Variants in SNCAIP observed in about 807,000 individuals in gnomAD.
The protein encoded by SNCAIP is synuclein alpha interacting protein, also known as synphilin-1.
Under a neutral mutation model 86.7 loss-of-function variants are expected in SNCAIP, and 43 were observed. The observed-to-expected ratio is 0.50, with a 90% CI of 0.39 to 0.64. The LOEUF (loss-of-function observed/expected upper bound fraction) is 0.64, where lower values mean the gene tolerates loss of function less well. Among genes scored for constraint, SNCAIP ranks in the 30% least tolerant of loss-of-function variants. The pLI is 0.00. For synonymous variants in SNCAIP, 417 were observed against 427.2 expected (o/e 0.98, Z 0.29); for missense variants, 981 against 1,103.1 (o/e 0.89, Z 1.57).
At chr5:122,346,947 A>G (rs7701124) in intron 1 of SNCAIP, among the ~76,000 whole-genome samples, 6,884 of 152,152 alleles carry the variant, frequency 0.045, 514 homozygotes, top group African/African-American at 0.16. Context: ...GGATACAATT[A>G]TAGATATAAT....
At chr5:122,380,715 C>T (rs746157047) in intron 1 of SNCAIP, among the ~76,000 whole-genome samples, 117 of 149,664 alleles carry the variant, frequency 7.8e-4, no homozygotes, top group Middle Eastern at 6.8e-3. Flanking sequence ...GCTTTGAATG[C>T]GTCCCAGAGA....
intron 1 of SNCAIP, among the ~76,000 whole-genome samples, chr5:122,332,965 T>C (rs1755694533): frequency 1.3e-5 from 2 of 152,204 alleles, no homozygotes; most frequent in African/African-American, 4.8e-5. Flanking sequence ...AAAGGGTAAA[T>C]ACTTTCTTCC....
chr5:122,361,129 T>C (rs556718027), intron 1 of SNCAIP, among the ~76,000 whole-genome samples: 1 of 151,930 alleles, frequency 6.6e-6, no homozygotes, highest in East Asian at 1.9e-4. Context: ...TTACATCCTT[T>C]ATTTTGTGTT....
chr5:122,318,531 G>T (rs1344630784), intron 1 of SNCAIP, among the ~76,000 whole-genome samples: 2 of 152,140 alleles, frequency 1.3e-5, no homozygotes, highest in South Asian at 2.1e-4. Flanking sequence ...ATAAATGAGA[G>T]AAAAATGTGT....
At chr5:122,408,771 G>C (rs1773532234) in intron 3 of SNCAIP, among the ~76,000 whole-genome samples, 1 of 152,170 alleles carries the variant, frequency 6.6e-6, no homozygotes, top group South Asian at 2.1e-4. Context: ...AGGTGCTATT[G>C]AGGTTTCTGA....
intron 2 of SNCAIP, among the ~76,000 whole-genome samples, chr5:122,394,101 G>A (rs12654510): frequency 3.7e-4 from 54 of 145,592 alleles, no homozygotes; most frequent in Non-Finnish European, 7.1e-4. Flanking sequence ...TTTTTTTTTT[G>A]ATACCAGAAA....
chr5:122,385,674 T>C (rs1280416465), intron 1 of SNCAIP, among the ~76,000 whole-genome samples: 5 of 66,130 alleles, frequency 7.6e-5, no homozygotes, highest in Non-Finnish European at 1.5e-4. Context: ...TGCGCACGTA[T>C]GTGTGTGTGT....
At chr5:122,457,849 A>T (rs954128108) in intron 10 of SNCAIP, among the ~76,000 whole-genome samples, 3 of 152,226 alleles carry the variant, frequency 2.0e-5, no homozygotes, top group Admixed American at 1.3e-4. Context: ...TCTATTGACC[A>T]TTGCACAGTA....
Position 122,322,096 on chromosome 5 carries a change from C to T in SNCAIP, c.-47+9812C>T, listed in dbSNP as rs998165789. 8.5e-5 allele frequency among the ~76,000 whole-genome samples: 13 copies of T among 152,324 alleles called. No individual in the cohort carries two copies. In the East Asian group the frequency reaches 9.6e-4, roughly 11 times the overall value. ...AAATATACAAGAGAAGAGTAGCCTG[C>T]ATCAGGGAGCTGTTAGAGTCATCAC... On this transcript the variant is annotated intron_variant, in intron 1 of 10. Transcript: ENST00000261368.
rs144727373 is a variant in SNCAIP at position 122,346,419 on chromosome 5, G to A, written c.-47+34135G>A. 2.2e-3 allele frequency among the ~76,000 whole-genome samples: 333 copies of A among 152,182 alleles called. 5 individuals are homozygous for A. The highest frequency in any genetic ancestry group is 3.4e-3 in the Non-Finnish European group (228 of 68,022). ...TTTATCCTGTGATTTGCTCTGTGTGGCTCTATATTTTCTAAGTATATTAAC... is the reference window on the plus strand; with the variant it reads ...TTTATCCTGTGATTTGCTCTGTGTGACTCTATATTTTCTAAGTATATTAAC... On this transcript the variant is annotated intron_variant, in intron 1 of 10. Coordinates refer to ENST00000261368, the MANE Select transcript of SNCAIP (RefSeq NM_005460.4).
intron 1 of SNCAIP, among the ~76,000 whole-genome samples, chr5:122,334,380 G>A (rs1755994584): frequency 6.6e-6 from 1 of 152,106 alleles, no homozygotes; most frequent in Admixed American, 6.5e-5. Flanking sequence ...ATTCAAGTTC[G>A]TACTTGGAGG....
intron 7 of SNCAIP, chr5:122,443,743 C>T (rs2737095): frequency 0.12 from 53,771 of 444,048 alleles, 3,652 homozygotes; most frequent in Admixed American, 0.14. Context: ...ATGCAACCTC[C>T]CTGAAAGTTG....
At chr5:122,325,002 C>A (rs965702586) in intron 1 of SNCAIP, among the ~76,000 whole-genome samples, 1 of 152,156 alleles carries the variant, frequency 6.6e-6, no homozygotes. Context: ...AACCTCAGAA[C>A]AAGGCCTGGC....
intron 8 of SNCAIP, among the ~76,000 whole-genome samples, chr5:122,446,242 T>C (rs550037039): frequency 6.6e-6 from 1 of 152,310 alleles, no homozygotes; most frequent in East Asian, 1.9e-4. Flanking sequence ...CATACATATT[T>C]AAAATGTGGA....
At chr5:122,329,690 C>T (rs149831812) in intron 1 of SNCAIP, among the ~76,000 whole-genome samples, 1 of 152,080 alleles carries the variant, frequency 6.6e-6, no homozygotes, top group East Asian at 1.9e-4. Flanking sequence ...CTTATGTGTC[C>T]AAAAGCAGAT....
At chr5:122,331,338 A>C (rs1755300639) in intron 1 of SNCAIP, among the ~76,000 whole-genome samples, 2 of 152,174 alleles carry the variant, frequency 1.3e-5, no homozygotes, top group Admixed American at 6.5e-5. Context: ...ACTATTCACT[A>C]TTTTAGCTAC....
chr5:122,403,371 G>A (rs1772245321), intron 2 of SNCAIP, among the ~76,000 whole-genome samples: 2 of 152,148 alleles, frequency 1.3e-5, no homozygotes, highest in African/African-American at 4.8e-5. Context: ...TGCCCCGGAT[G>A]CTGCAGGAAG....
chr5:122,373,146 A>G (rs543689729), intron 1 of SNCAIP, among the ~76,000 whole-genome samples: 3 of 152,258 alleles, frequency 2.0e-5, no homozygotes, highest in Non-Finnish European at 4.4e-5. Context: ...TCTCTCCATC[A>G]CAGTTTTTGA....
chr5:122,340,816 C>CTCTAAATTT (rs1379542213), intron 1 of SNCAIP, among the ~76,000 whole-genome samples: 2 of 152,166 alleles, frequency 1.3e-5, no homozygotes, highest in African/African-American at 4.8e-5. Context: ...GTAAATTTTA[C>CTCTAAATTT]TACTTCATCA....
Sources: gnomAD v4.1 joint callset for allele counts (sites outside exome capture counted in the v4.1 genomes callset) on GRCh38, gnomAD v4.1.1 for gene constraint, MANE v1.5 for transcripts, NCBI Gene and HGNC (gene_info 2026-07-23, HGNC 2026-07-21) for gene names.